Variants in CBFA2T3 observed in about 807,000 individuals in gnomAD.
CBFA2T3 encodes CBFA2/RUNX1 partner transcriptional co-repressor 3.
In CBFA2T3, 31 loss-of-function variants were observed where a neutral mutation model predicts 58.6. The observed-to-expected ratio is 0.53, with a 90% confidence interval of 0.40 to 0.71. The LOEUF (loss-of-function observed/expected upper bound fraction) is 0.71. Ranked by LOEUF, CBFA2T3 falls within the 30% of genes least tolerant of loss-of-function variation. CBFA2T3 has a pLI of 0.00. For synonymous variants in CBFA2T3, 531 were observed against 421.9 expected (o/e 1.26, Z -3.17); for missense variants, 1,076 against 963.1 (o/e 1.12, Z -1.55).
At chr16:88,962,966 G>A (rs939347096) in intron 1 of CBFA2T3, among the ~76,000 whole-genome samples, 5 of 152,146 alleles carry the variant, frequency 3.3e-5, no homozygotes, top group African/African-American at 1.2e-4. Flanking sequence ...CACAGGGCAC[G>A]CCACCCCACT....
At chr16:88,954,495 C>G (rs7499653) in intron 1 of CBFA2T3, among the ~76,000 whole-genome samples, 11 of 130,936 alleles carry the variant, frequency 8.4e-5, no homozygotes, top group Admixed American at 2.2e-4. Context: ...CCTGACCCCG[C>G]CCAAGGCTCC....
intron 1 of CBFA2T3, among the ~76,000 whole-genome samples, chr16:88,965,944 C>T (rs1373495997): frequency 3.3e-5 from 5 of 152,210 alleles, no homozygotes; most frequent in Non-Finnish European, 7.3e-5. Flanking sequence ...CCACTGTGCC[C>T]GGTCCCTCCT....
At chr16:88,965,941 G>A (rs535463284) in intron 1 of CBFA2T3, among the ~76,000 whole-genome samples, 34 of 152,344 alleles carry the variant, frequency 2.2e-4, no homozygotes, top group African/African-American at 7.9e-4. Flanking sequence ...TCTCCACTGT[G>A]CCCGGTCCCT....
chr16:88,887,480 C>A (rs573373289), intron 5 of CBFA2T3, among the ~76,000 whole-genome samples: 4 of 152,072 alleles, frequency 2.6e-5, no homozygotes, highest in Non-Finnish European at 4.4e-5. Context: ...GGAGCCGGGG[C>A]GGTGGGTGGG....
At chr16:88,918,909 C>T (rs542539683) in intron 1 of CBFA2T3, among the ~76,000 whole-genome samples, 1 of 152,226 alleles carries the variant, frequency 6.6e-6, no homozygotes, top group Non-Finnish European at 1.5e-5. Flanking sequence ...CTTTCCTCCC[C>T]GTCTAATTAG....
chr16:88,936,010 G>C (rs1055293286), intron 1 of CBFA2T3, among the ~76,000 whole-genome samples: 1 of 152,182 alleles, frequency 6.6e-6, no homozygotes, highest in African/African-American at 2.4e-5. Context: ...CGGGAACAGG[G>C]CAGGGGGCTG....
At chr16:88,924,228 C>T (rs191314355) in intron 1 of CBFA2T3, among the ~76,000 whole-genome samples, 1,721 of 152,272 alleles carry the variant, frequency 0.011, 25 homozygotes, top group African/African-American at 0.04. Flanking sequence ...TGAAGATCTG[C>T]CCTCTCTGGG....
At chr16:88,924,449 C>T (rs796921858) in intron 1 of CBFA2T3, among the ~76,000 whole-genome samples, 1 of 152,178 alleles carries the variant, frequency 6.6e-6, no homozygotes, top group African/African-American at 2.4e-5. Flanking sequence ...CTCTCGGGGG[C>T]GATGGCTGGG....
chr16:88,925,259 C>T (rs542013165), intron 1 of CBFA2T3, among the ~76,000 whole-genome samples: 2 of 152,216 alleles, frequency 1.3e-5, no homozygotes, highest in Non-Finnish European at 2.9e-5. Context: ...GGCTTGGGCA[C>T]GGTGCAGCCG....
intron 1 of CBFA2T3, among the ~76,000 whole-genome samples, chr16:88,908,000 GC>G (rs1399852838): frequency 6.6e-6 from 1 of 152,142 alleles, no homozygotes; most frequent in African/African-American, 2.4e-5. Context: ...TCCTCCCCCA[GC>G]CCTGGCTGCA....
At chr16:88,935,555 G>C (rs966405620) in intron 1 of CBFA2T3, among the ~76,000 whole-genome samples, 1 of 152,218 alleles carries the variant, frequency 6.6e-6, no homozygotes, top group African/African-American at 2.4e-5. Context: ...CCAGGGCTTG[G>C]CCCCAAGCTT....
chr16:88,975,178 A>ATAT (rs1567643972), intron 1 of CBFA2T3, among the ~76,000 whole-genome samples: 2 of 46,200 alleles, frequency 4.3e-5, no homozygotes, highest in African/African-American at 5.1e-5. Flanking sequence ...TCTCTGCTCC[A>ATAT]CATCTTTAGC....
intron 1 of CBFA2T3, among the ~76,000 whole-genome samples, chr16:88,972,649 C>T (rs1318860183): frequency 6.6e-6 from 1 of 152,244 alleles, no homozygotes; most frequent in Non-Finnish European, 1.5e-5. Flanking sequence ...AAGATCCTCA[C>T]ATCTCCAGCC....
intron 1 of CBFA2T3, among the ~76,000 whole-genome samples, chr16:88,929,914 T>A (rs971890163): frequency 1.4e-5 from 2 of 147,426 alleles, no homozygotes; most frequent in African/African-American, 5.3e-5. Flanking sequence ...AGCTGCATCG[T>A]CCACGCAAAA....
intron 8 of CBFA2T3, 130 bp from the exon 9 acceptor site, chr16:88,881,619 G>C (rs1014596179): frequency 5.0e-5 from 44 of 883,798 alleles, no homozygotes; most frequent in Non-Finnish European, 6.6e-5. Context: ...GAGAGTAAGG[G>C]GGTGAGGGAG....
At chr16:88,877,612 G>A (rs1431287906) in intron 11 of CBFA2T3, among the ~76,000 whole-genome samples, 1 of 152,140 alleles carries the variant, frequency 6.6e-6, no homozygotes, top group African/African-American at 2.4e-5. Flanking sequence ...CGGCAGGATT[G>A]AGGCTGCTGA....
In CBFA2T3 at chr16:88,879,381, G is replaced by A. The variant is rs1169750562; in HGVS notation, c.1551C>T (p.His517=). The change falls in exon 11 of 12, where the codon CAC becomes CAT. Residue 517 remains histidine (H), a synonymous_variant. Coordinates refer to ENST00000268679, the MANE Select transcript of CBFA2T3 (RefSeq NM_005187.6). ...KAVSDAERKA[H]ELITTERAKM... ...TGGCACGCTCCGTGGTGATGAGCTC[G>A]TGCGCTTTGCGCTCCGCGTCCGACA... 3.1e-6 allele frequency: 5 copies of A among 1,612,848 alleles called. No individual in the cohort carries two copies. The highest frequency in any genetic ancestry group is 2.2e-5 in the East Asian group (1 of 44,888).
intron 1 of CBFA2T3, among the ~76,000 whole-genome samples, chr16:88,967,858 G>A (rs912164789): frequency 2.2e-4 from 33 of 152,220 alleles, no homozygotes; most frequent in African/African-American, 7.7e-4. Context: ...CGCGTCCAGC[G>A]GGGGTCGGCG....
At chr16:88,944,333 T>C (rs1971847172) in intron 1 of CBFA2T3, among the ~76,000 whole-genome samples, 2 of 108,000 alleles carry the variant, frequency 1.9e-5, no homozygotes, top group South Asian at 6.3e-4. Flanking sequence ...CGAGACTCCA[T>C]CTCAAAAAAA....
Sources: allele counts gnomAD v4.1 joint callset (sites outside exome capture counted in the v4.1 genomes callset), GRCh38; gene constraint gnomAD v4.1.1; transcripts MANE v1.5; gene names NCBI Gene and HGNC (gene_info 2026-07-23, HGNC 2026-07-21).